Variants in NCAM1 observed in about 807,000 individuals in gnomAD.
NCAM1 encodes antigen recognized by monoclonal antibody 5.1H11.
Under a neutral mutation model 109.8 loss-of-function variants are expected in NCAM1, and 14 were observed. The observed-to-expected ratio is 0.13, with a 90% confidence interval of 0.08 to 0.20. The LOEUF is 0.20. Among genes scored for constraint, NCAM1 ranks in the 10% least tolerant of loss-of-function variants. The pLI, the probability that NCAM1 is intolerant of heterozygous loss-of-function variation, is 1.00. For missense variants in NCAM1, 774 were observed against 1,109.9 expected, an observed-to-expected ratio of 0.70 and a Z score of 4.30; for synonymous variants, 418 against 442.9, an observed-to-expected ratio of 0.94 and a Z score of 0.70.
intron 1 of NCAM1, among the ~76,000 whole-genome samples, chr11:113,123,432 A>G (rs1438489604): frequency 6.6e-6 from 1 of 152,136 alleles, no homozygotes; most frequent in Admixed American, 6.5e-5. Flanking sequence ...CTTGCCTTGG[A>G]AAAGGGTAAA....
At chr11:113,098,417 G>A (rs1378819844) in intron 1 of NCAM1, among the ~76,000 whole-genome samples, 3 of 152,032 alleles carry the variant, frequency 2.0e-5, no homozygotes, top group African/African-American at 7.3e-5. Context: ...TAGGTGCTTT[G>A]TAAGTAGTTG....
intron 1 of NCAM1, among the ~76,000 whole-genome samples, chr11:112,970,042 G>C (rs561963517): frequency 2.1e-4 from 32 of 152,282 alleles, no homozygotes; most frequent in African/African-American, 7.7e-4. Context: ...TAAATAGGGA[G>C]AGAGGGCCTG....
intron 1 of NCAM1, among the ~76,000 whole-genome samples, chr11:113,122,506 G>A (rs764462531): frequency 8.5e-5 from 13 of 152,250 alleles, no homozygotes; most frequent in South Asian, 4.1e-4. Context: ...GAAACTCGCC[G>A]GGCATGGTGG....
intron 1 of NCAM1, among the ~76,000 whole-genome samples, chr11:113,087,629 A>C (rs1939149362): frequency 6.6e-6 from 1 of 152,154 alleles, no homozygotes; most frequent in African/African-American, 2.4e-5. Context: ...TATTGATAGG[A>C]GCTGTTGAAC....
At chr11:113,241,793 C>T (rs569401545) in intron 14 of NCAM1, among the ~76,000 whole-genome samples, 2 of 152,208 alleles carry the variant, frequency 1.3e-5, no homozygotes, top group African/African-American at 4.8e-5. Context: ...GAGTGGCAGA[C>T]AGCAGCAAAT....
At chr11:113,032,351 A>G (rs1952747301) in intron 1 of NCAM1, among the ~76,000 whole-genome samples, 1 of 152,108 alleles carries the variant, frequency 6.6e-6, no homozygotes, top group Non-Finnish European at 1.5e-5. Context: ...GGCTTACCAC[A>G]GGTCAGCAGG....
chr11:113,182,790 G>A (rs1186473149), intron 1 of NCAM1, among the ~76,000 whole-genome samples: 1 of 152,180 alleles, frequency 6.6e-6, no homozygotes, highest in Non-Finnish European at 1.5e-5. Context: ...CAAGAGGTCA[G>A]CACCTCCCAG....
intron 8 of NCAM1, 29 bp downstream of exon 8, chr11:113,214,540 CT>C (rs1944473674): frequency 6.3e-7 from 1 of 1,577,286 alleles, no homozygotes. Flanking sequence ...GTTTCAGGGC[CT>C]TGGAATGCAG....
At chr11:113,238,837 A>G (rs1266616696) in intron 14 of NCAM1, among the ~76,000 whole-genome samples, 1 of 152,168 alleles carries the variant, frequency 6.6e-6, no homozygotes, top group Non-Finnish European at 1.5e-5. Flanking sequence ...GTTATACCCC[A>G]AGCCCCAAGG....
chr11:113,150,502 C>T (rs933308888), intron 1 of NCAM1, among the ~76,000 whole-genome samples: 1 of 152,130 alleles, frequency 6.6e-6, no homozygotes. Context: ...AATTCAACTC[C>T]ACAAGGCTTT....
At chr11:113,244,170 G>T (rs890444056) in intron 14 of NCAM1, among the ~76,000 whole-genome samples, 1 of 152,148 alleles carries the variant, frequency 6.6e-6, no homozygotes, top group Non-Finnish European at 1.5e-5. Flanking sequence ...TCCAGGCACA[G>T]TAGGAGAAAG....
chr11:113,155,179 A>G (rs1942364627), intron 1 of NCAM1, among the ~76,000 whole-genome samples: 1 of 152,290 alleles, frequency 6.6e-6, no homozygotes, highest in South Asian at 2.1e-4. Context: ...GAAGAATTGA[A>G]AATGGTCATT....
At chr11:113,227,194 TAAAG>T (rs1944877543) in intron 9 of NCAM1, among the ~76,000 whole-genome samples, 1 of 148,208 alleles carries the variant, frequency 6.7e-6, no homozygotes, top group Non-Finnish European at 1.5e-5. Flanking sequence ...GCAAGACTAA[TAAAG>T]AAGAAAAGAG....
chr11:113,150,959 A>G (rs1942204019), intron 1 of NCAM1, among the ~76,000 whole-genome samples: 1 of 152,168 alleles, frequency 6.6e-6, no homozygotes, highest in African/African-American at 2.4e-5. Context: ...GTGGTCAGTT[A>G]AAGTGTGAAG....
At chr11:113,017,745 A>G (rs1202777812) in intron 1 of NCAM1, among the ~76,000 whole-genome samples, 5 of 152,066 alleles carry the variant, frequency 3.3e-5, no homozygotes, top group African/African-American at 1.2e-4. Flanking sequence ...GGAATACTGT[A>G]TACACAAAAT....
intron 14 of NCAM1, among the ~76,000 whole-genome samples, chr11:113,239,290 C>T (rs1555118786): frequency 6.6e-6 from 1 of 152,160 alleles, no homozygotes; most frequent in East Asian, 1.9e-4. Flanking sequence ...CATCAAGACA[C>T]TCAGGAGGAA....
intron 17 of NCAM1, among the ~76,000 whole-genome samples, chr11:113,267,659 C>T (rs981344465): frequency 3.9e-5 from 6 of 152,244 alleles, no homozygotes; most frequent in Non-Finnish European, 8.8e-5. Context: ...GCCTTTTAGG[C>T]CGGGAGAAAG....
At chr11:113,031,728 T>C (rs908786994) in intron 1 of NCAM1, among the ~76,000 whole-genome samples, 24 of 151,610 alleles carry the variant, frequency 1.6e-4, no homozygotes, top group African/African-American at 5.6e-4. Context: ...AAAGGACACT[T>C]GTTTATAGTA....
chr11:113,174,979 A>G (rs974478553), intron 1 of NCAM1, among the ~76,000 whole-genome samples: 9 of 152,208 alleles, frequency 5.9e-5, no homozygotes, highest in Admixed American at 2.6e-4. Flanking sequence ...TGGAATTTGT[A>G]CACCAGCTAG....
Sources: gnomAD v4.1 joint callset for allele counts (sites outside exome capture counted in the v4.1 genomes callset) on GRCh38, gnomAD v4.1.1 for gene constraint, MANE v1.5 for transcripts, NCBI Gene and HGNC (gene_info 2026-07-23, HGNC 2026-07-21) for gene names.